SAFB: variants seen among roughly 807,000 people sequenced by gnomAD.
SAFB encodes scaffold attachment factor B1.
SAFB carries 15 observed loss-of-function variants against 101.6 expected under a neutral mutation model. The observed-to-expected ratio is 0.15, with a 90% CI of 0.10 to 0.23. The LOEUF (loss-of-function observed/expected upper bound fraction) is 0.23, where lower values mean the gene tolerates loss of function less well. Among genes scored for constraint, SAFB ranks in the 10% least tolerant of loss-of-function variants. SAFB has a pLI of 1.00. For synonymous variants in SAFB, 449 were observed against 407.5 expected, an observed-to-expected ratio of 1.10 and a Z score of -1.23; for missense variants, 930 against 1,104.1, an observed-to-expected ratio of 0.84 and a Z score of 2.23.
At chr19:5,631,840 G>A (rs1036624818) in intron 2 of SAFB, among the ~76,000 whole-genome samples, 1 of 152,138 alleles carries the variant, frequency 6.6e-6, no homozygotes, top group African/African-American at 2.4e-5. Context: ...GAGCCCAGGA[G>A]TTGGAGAGCA....
At chr19:5,657,091 G>T in intron 13 of SAFB, 150 bp from the exon 14 acceptor site, 1 of 599,832 alleles carries the variant, frequency 1.7e-6, no homozygotes, top group Non-Finnish European at 3.0e-6. Flanking sequence ...TTTTAGTAGA[G>T]TCAAGGTTTC....
At chr19:5,625,654 T>C (rs1464156512) in intron 1 of SAFB, among the ~76,000 whole-genome samples, 5 of 152,226 alleles carry the variant, frequency 3.3e-5, no homozygotes, top group Admixed American at 3.3e-4. Context: ...TCGGTACTGA[T>C]GGCTTAGTTG....
rs2054207724 is a variant in SAFB at position 5,661,681 on chromosome 19, G to A, written c.2026G>A (p.Val676Met). 1 of 1,610,094 alleles carries A rather than the reference G, an allele frequency of 6.2e-7. No individual in the cohort carries two copies. Among genetic ancestry groups the A allele is most frequent in the Admixed American group, 1.7e-5 (1 of 59,596 alleles). ...RERLERERMH[V>M]EHERRREQER... ...ACGGCTGGAGCGCGAACGCATGCAC[G>A]TGGAGCACGAGCGCAGGCGCGAGCA... The change falls in exon 15 of 21, where the codon GTG becomes ATG. Residue 676 changes from valine (V) to methionine (M), a missense_variant. By Grantham distance (21) the Val-to-Met change is conservative. Transcript: ENST00000588852.
At chr19:5,650,014 A>C in intron 8 of SAFB, 39 bp downstream of exon 8, 1 of 1,535,978 alleles carries the variant, frequency 6.5e-7, no homozygotes, top group Non-Finnish European at 9.0e-7. Context: ...TGGAGCATGT[A>C]TGGCCTGGGC....
intron 14 of SAFB, among the ~76,000 whole-genome samples, chr19:5,659,744 G>C (rs1159145833): frequency 6.6e-6 from 1 of 151,894 alleles, no homozygotes; most frequent in Admixed American, 6.6e-5. Context: ...TGCAGGCATT[G>C]GCAGGTGGCA....
chr19:5,642,651 CT>C (rs767488519), intron 4 of SAFB, among the ~76,000 whole-genome samples: 60 of 70,852 alleles, frequency 8.5e-4, no homozygotes, highest in South Asian at 3.4e-3. Flanking sequence ...CCCTTCCTTT[CT>C]TTTTTTTTTT....
chr19:5,644,302 A>G (rs2053781047), intron 4 of SAFB, among the ~76,000 whole-genome samples: 1 of 152,222 alleles, frequency 6.6e-6, no homozygotes, highest in South Asian at 2.1e-4. Context: ...AAAGCACCGT[A>G]GAGTTATGAA....
chr19:5,641,955 C>T lies in SAFB; in HGVS notation c.546+9C>T, dbSNP rs777726893. The T allele has an allele frequency of 1.2e-6, 2 of 1,608,178 alleles. No homozygotes were observed. Among genetic ancestry groups the T allele is most frequent in the South Asian group, 2.2e-5 (2 of 90,884 alleles). On this transcript the variant is annotated intron_variant, in intron 4 of 20. Transcript: ENST00000588852. ...AGCTTCAGGAACATGCTGTAGGTAA[C>T]CGGCAATGTCTCTAGAATGTGCCCT...
In SAFB at chr19:5,657,319, C is replaced by T. The variant is rs201446242; in HGVS notation, c.1834C>T (p.Arg612Trp). 13 of 1,613,414 alleles carry T rather than the reference C, an allele frequency of 8.1e-6. No individual in the cohort carries two copies. Among genetic ancestry groups the T allele is most frequent in the South Asian group, 2.2e-5 (2 of 91,052 alleles). ...GTCCTTTGATAAGGTCAAGGAGCCTCGGAAGTCAAGAGACTCAGAGTCCCA... is the reference window on the plus strand; with the variant it reads ...GTCCTTTGATAAGGTCAAGGAGCCTTGGAAGTCAAGAGACTCAGAGTCCCA... ...VVSFDKVKEPRKSRDSESHSR... is the reference protein window; with the variant it reads ...VVSFDKVKEPWKSRDSESHSR... Residue 612 changes from arginine (R) to tryptophan (W), a missense_variant, in exon 14 of 21, where the codon CGG becomes TGG. By Grantham distance (101) the Arg-to-Trp change is moderately radical. Coordinates refer to ENST00000588852, the MANE Select transcript of SAFB (RefSeq NM_001201338.2).
chr19:5,661,854 G>T, intron 15 of SAFB, 46 bp downstream of exon 15: 1 of 1,283,798 alleles, frequency 7.8e-7, no homozygotes, highest in Non-Finnish European at 1.1e-6. Flanking sequence ...TCAGAATCGT[G>T]TTAGGGACCT....
intron 9 of SAFB, among the ~76,000 whole-genome samples, chr19:5,651,358 GGGCTGCCAGGGTT>G (rs989609170): frequency 2.6e-5 from 4 of 152,212 alleles, no homozygotes; most frequent in Admixed American, 2.6e-4. Flanking sequence ...CACTCAGGCT[GGGCTGCCAGGGTT>G]GGCTGGTGGG....
chr19:5,653,340 C>T lies in SAFB; in HGVS notation c.1446C>T (p.Ala482=), dbSNP rs1332615553. ...TAATACTTGATTCTCTTTTTCAGGC[C>T]AAAAATGAACCTGTGGGAAAGAAAA... ...LHGKMISVEK[A]KNEPVGKKTS... is the part of the protein sequence containing the mutation. The change falls in exon 11 of 21, where the codon GCC becomes GCT. Residue 482 remains alanine (A), a splice_region_variant and synonymous_variant. Transcript: ENST00000588852. 4 of 1,613,846 alleles carry T rather than the reference C, an allele frequency of 2.5e-6. No individual in the cohort carries two copies. In the East Asian group the frequency reaches 6.7e-5, roughly 27 times the overall value.
chr19:5,650,546 G>A (rs554028816), intron 8 of SAFB, among the ~76,000 whole-genome samples: 32 of 152,198 alleles, frequency 2.1e-4, no homozygotes, highest in South Asian at 8.3e-4. Flanking sequence ...TGAGTAGCTG[G>A]GATTATAAGC....
At chr19:5,649,843 C>A in intron 7 of SAFB, 83 bp from the exon 8 acceptor site, 1 of 1,263,514 alleles carries the variant, frequency 7.9e-7, no homozygotes, top group Non-Finnish European at 1.2e-6. Flanking sequence ...GGTAGGTATG[C>A]AACCTCAGCA....
At position 5,653,226 on chromosome 19, in the gene SAFB, A is replaced by G. The variant is rs1438808798; in HGVS notation, c.1405A>G (p.Lys469Glu). The change falls in exon 10 of 21, where the codon AAG becomes GAG. Residue 469 changes from lysine (K) to glutamate (E), a missense_variant. Coordinates refer to ENST00000588852, the MANE Select transcript of SAFB (RefSeq NM_001201338.2). Reference sequence around the variant, plus strand: ...CACAAAATGCATTAACCACCTGCACAAGACGGAGCTCCACGGAAAGATGAT... The same window carrying G: ...CACAAAATGCATTAACCACCTGCACGAGACGGAGCTCCACGGAAAGATGAT... Reference protein sequence around the residue: ...EATKCINHLHKTELHGKMISV... With the variant: ...EATKCINHLHETELHGKMISV... The G allele has an allele frequency of 1.9e-6, 3 of 1,614,158 alleles. No individual in the cohort carries two copies. Among genetic ancestry groups the G allele is most frequent in the South Asian group, 2.2e-5 (2 of 91,084 alleles).
rs1599341761 is a variant in SAFB, at chr19:5,641,923, C to T, written c.523C>T (p.Pro175Ser). ...AGTCGAGGGGGAAATGAAAGAGCTT[C>T]CGGAGCAGCTTCAGGAACATGCTGT... ...ELVEGEMKEL[P>S]EQLQEHAIED... is the part of the protein sequence containing the mutation. The change falls in exon 4 of 21, where the codon CCG (proline) becomes TCG (serine). Residue 175 changes from proline to serine, a missense_variant. Coordinates refer to ENST00000588852, the MANE Select transcript of SAFB (RefSeq NM_001201338.2). 1 of 1,614,136 alleles carries T rather than the reference C, an allele frequency of 6.2e-7. No individual in the cohort carries two copies. Among genetic ancestry groups the T allele is most frequent in the East Asian group, 2.2e-5 (1 of 44,872 alleles).
rs377322398 is a variant in SAFB at position 5,653,353 on chromosome 19, G to T, written c.1459G>T (p.Val487Leu). 1 of 1,614,054 alleles carries T rather than the reference G, an allele frequency of 6.2e-7. No homozygotes were observed. The highest frequency in any genetic ancestry group is 8.5e-7 in the Non-Finnish European group (1 of 1,180,032). ...ISVEKAKNEP[V>L]GKKTSDKRDS... ...TCTTTTTCAGGCCAAAAATGAACCTGTGGGAAAGAAAACCTCTGACAAAAG... is the reference window on the plus strand; with the variant it reads ...TCTTTTTCAGGCCAAAAATGAACCTTTGGGAAAGAAAACCTCTGACAAAAG... The change falls in exon 11 of 21, where the codon GTG (valine) becomes TTG (leucine). Residue 487 changes from valine (V) to leucine (L), a missense_variant. Val to Leu is a conservative substitution (Grantham distance 32). Transcript: ENST00000588852.
chr19:5,660,541 TC>T (rs2054174014), intron 14 of SAFB, among the ~76,000 whole-genome samples: 1 of 151,384 alleles, frequency 6.6e-6, no homozygotes, highest in Non-Finnish European at 1.5e-5. Context: ...CACTATATTG[TC>T]CAGGCTGTAT....
chr19:5,634,888 A>G (rs2053562561), intron 2 of SAFB, among the ~76,000 whole-genome samples: 1 of 152,114 alleles, frequency 6.6e-6, no homozygotes, highest in Non-Finnish European at 1.5e-5. Context: ...CTGTAATCCT[A>G]GCACTTTGGG....
Sources: allele counts gnomAD v4.1 joint callset (sites outside exome capture counted in the v4.1 genomes callset), GRCh38; gene constraint gnomAD v4.1.1; transcripts MANE v1.5; gene names NCBI Gene and HGNC (gene_info 2026-07-23, HGNC 2026-07-21).